Variants in ETV3 observed in about 807,000 individuals in gnomAD.
ETV3 encodes ETS variant transcription factor 3.
Under a neutral mutation model 33.0 loss-of-function variants are expected in ETV3, and 8 were observed. The ratio of observed to expected loss-of-function variants is 0.24; its 90% confidence interval spans 0.14 to 0.44. The LOEUF is 0.44. Ranked by LOEUF, ETV3 falls within the 20% of genes least tolerant of loss-of-function variation. The probability of loss-of-function intolerance (pLI) is 1.00; values close to 1 mark genes in which losing one functional copy is unlikely to be tolerated. For synonymous variants in ETV3, 222 were observed against 238.9 expected, an observed-to-expected ratio of 0.93 and a Z score of 0.65; for missense variants, 473 against 652.3, an observed-to-expected ratio of 0.73 and a Z score of 2.99.
Position 157,125,303 on chromosome 1 carries a change from A to T in ETV3, c.1077T>A (p.Val359=). The T allele has an allele frequency of 6.4e-7, 1 of 1,551,992 alleles. No individual in the cohort carries two copies. The change falls in exon 5 of 5, where the codon GTT becomes GTA. Residue 359 remains valine (V), a synonymous_variant. Transcript: ENST00000368192. The surrounding 1 kb of genome is among the most constrained non-coding windows in gnomAD (Gnocchi z 4.0). ...CTGGTGCTGACTCCTCGCTGCTCTC[A>T]ACCCTCTCCCGGTTCTTCCGCCCAA... ...PPVGRKNRER[V]ESSEESAPVT...
In ETV3 at chr1:157,124,577, C is replaced by G; in HGVS notation, c.*264G>C. On this transcript the variant is annotated 3_prime_UTR_variant, in exon 5 of 5. Transcript: ENST00000368192. ...AGTTTCCTTGTCAGAAAGTATAAGC[C>G]TCAACAGGAAATAGAGGCTCCTTCT... 2.9e-6 allele frequency: 1 copy of G among 341,236 alleles called. No individual in the cohort carries two copies. Among genetic ancestry groups the G allele is most frequent in the Admixed American group, 4.3e-5 (1 of 23,160 alleles). The allele number at this position is 341,236 out of a possible 1,614,324, so 21.1% of individuals were successfully genotyped here.
chr1:157,128,486 T>TCAGGC (rs953734076), intron 4 of ETV3: 3 of 302,346 alleles, frequency 9.9e-6, no homozygotes, highest in African/African-American at 2.2e-5. Flanking sequence ...GGAAGACAGG[T>TCAGGC]CAGGCCACTG....
chr1:157,137,513 C>G (rs1372626780), intron 1 of ETV3, among the ~76,000 whole-genome samples: 3 of 49,532 alleles, frequency 6.1e-5, no homozygotes, highest in Admixed American at 2.8e-4. Flanking sequence ...AGGAAAAACA[C>G]ACACACACAC....
chr1:157,136,885 A>C (rs1472210108), intron 1 of ETV3, among the ~76,000 whole-genome samples: 2 of 152,202 alleles, frequency 1.3e-5, no homozygotes, highest in Non-Finnish European at 2.9e-5. Context: ...ATTATGTGAG[A>C]TAGAAGGAAG....
chr1:157,134,022 C>T (rs1289583857), intron 4 of ETV3, 90 bp downstream of exon 4: 13 of 1,547,384 alleles, frequency 8.4e-6, no homozygotes, highest in Non-Finnish European at 6.1e-6. Context: ...TTTCTAAAAT[C>T]TTCCTAAACA....
rs913369851 is a variant in ETV3 at position 157,121,382 on chromosome 1, C to G, written c.*3459G>C. 6.6e-6 allele frequency: 1 copy of G among 151,792 alleles called. No homozygotes were observed. Among genetic ancestry groups the G allele is most frequent in the African/African-American group, 2.4e-5 (1 of 41,298 alleles). 9.4% of individuals were successfully genotyped at this position (151,792 alleles called of 1,614,324 possible). On this transcript the variant is annotated 3_prime_UTR_variant, in exon 5 of 5. Coordinates refer to ENST00000368192, the MANE Select transcript of ETV3 (RefSeq NM_001145312.3). ...GAAGACTTTATAGAAAGCGGAACAT[C>G]TAAAAGGCACTGCACAATGGAGTTA...
chr1:157,133,430 AC>A, intron 4 of ETV3: 2 of 985,568 alleles, frequency 2.0e-6, no homozygotes, highest in African/African-American at 3.5e-5. Context: ...AAAATCACAA[AC>A]AAAAAACCAC....
intron 4 of ETV3, among the ~76,000 whole-genome samples, chr1:157,126,253 T>C (rs1171611701): frequency 6.6e-6 from 1 of 152,206 alleles, no homozygotes; most frequent in Non-Finnish European, 1.5e-5. Context: ...AAATTCCACA[T>C]GGCAGGGACT....
chr1:157,132,305 T>A (rs1208607403), intron 4 of ETV3, among the ~76,000 whole-genome samples: 1 of 152,230 alleles, frequency 6.6e-6, no homozygotes, highest in African/African-American at 2.4e-5. Context: ...GTTGGTTCAA[T>A]CGCCTTCGGG....
Position 157,121,798 on chromosome 1 carries a change from T to C in ETV3, c.*3043A>G, listed in dbSNP as rs1198669073. ...TTTTTTTAATGCTTCTGAAAGTTTC[T>C]TGGCCCACAGAGGACTAGGGTGCAA... On this transcript the variant is annotated 3_prime_UTR_variant, in exon 5 of 5. Coordinates refer to ENST00000368192, the MANE Select transcript of ETV3 (RefSeq NM_001145312.3). The C allele has an allele frequency of 6.6e-6, 1 of 152,230 alleles. No homozygotes were observed. The highest frequency in any genetic ancestry group is 2.4e-5 in the African/African-American group (1 of 41,460). The allele number at this position is 152,230 out of a possible 1,614,324, so 9.4% of individuals were successfully genotyped here.
intron 3 of ETV3, among the ~76,000 whole-genome samples, 183 bp from the exon 4 acceptor site, chr1:157,134,410 A>G (rs780029345): frequency 1.3e-5 from 2 of 152,154 alleles, no homozygotes; most frequent in Non-Finnish European, 2.9e-5. Context: ...TTTCTTACTC[A>G]ATTTTCAACT....
At chr1:157,132,732 T>G (rs1674996819) in intron 4 of ETV3, among the ~76,000 whole-genome samples, 1 of 147,776 alleles carries the variant, frequency 6.8e-6, no homozygotes, top group African/African-American at 2.5e-5. Context: ...ATTAGAGAGA[T>G]GCATTCCAAT....
intron 4 of ETV3, among the ~76,000 whole-genome samples, chr1:157,129,464 A>C (rs1674920884): frequency 6.6e-6 from 1 of 152,248 alleles, no homozygotes; most frequent in Non-Finnish European, 1.5e-5. Flanking sequence ...GCCAATTTAA[A>C]AGGAATTAAG....
intron 4 of ETV3, among the ~76,000 whole-genome samples, chr1:157,130,864 T>C (rs538800690): frequency 6.6e-6 from 1 of 152,342 alleles, no homozygotes; most frequent in African/African-American, 2.4e-5. Flanking sequence ...ATGTATTAGA[T>C]AACAGAATTA....
chr1:157,137,493 G>A (rs564982381), intron 1 of ETV3, among the ~76,000 whole-genome samples: 30 of 120,922 alleles, frequency 2.5e-4, no homozygotes, highest in African/African-American at 1.1e-3. Context: ...CCCAAAGGAA[G>A]GAGCAGACAA....
intron 4 of ETV3, chr1:157,128,408 C>T (rs1054697585): frequency 1.8e-5 from 5 of 277,078 alleles, no homozygotes; most frequent in African/African-American, 8.9e-5. Context: ...CAGAAGTGTG[C>T]CCAGTGCCAC....
rs1341875785 is a variant in ETV3 at position 157,123,820 on chromosome 1, G to C, written c.*1021C>G. On this transcript the variant is annotated 3_prime_UTR_variant, in exon 5 of 5. Transcript: ENST00000368192. ...TAAAGTATGTTCATAGTTAAGGCTTGACTTAAGAAAATAAGAGAACCAGAC... is the reference window on the plus strand; with the variant it reads ...TAAAGTATGTTCATAGTTAAGGCTTCACTTAAGAAAATAAGAGAACCAGAC... 1 of 151,978 alleles carries C rather than the reference G, an allele frequency of 6.6e-6. No individual in the cohort carries two copies. The highest frequency in any genetic ancestry group is 1.9e-4 in the East Asian group (1 of 5,190). 9.4% of individuals were successfully genotyped at this position (151,978 alleles called of 1,614,324 possible). A position where few individuals can be genotyped will look rare whatever the true frequency, so the allele number is the denominator to read the frequency against.
At chr1:157,135,992 T>C (rs565909198) in intron 2 of ETV3, among the ~76,000 whole-genome samples, 1 of 152,212 alleles carries the variant, frequency 6.6e-6, no homozygotes, top group East Asian at 1.9e-4. Context: ...TGTGAGGACA[T>C]AAAAGTGCTA....
rs577970320 is a variant in ETV3, at chr1:157,135,026, C to T, written c.284+445G>A. The T allele has an allele frequency of 7.8e-4, 146 of 188,158 alleles. 1 individual carries two copies. The Middle Eastern group carries it at 0.012, about 15-fold the overall frequency. The allele number at this position is 188,158 out of a possible 1,614,324, so 11.7% of individuals were successfully genotyped here. On this transcript the variant is annotated intron_variant, in intron 3 of 4. Transcript: ENST00000368192. ...CAACCTGAGCTCACAGACACAGTTC[C>T]GGAATAGATAGGTCAGTATCACTGA...
Sources: gnomAD v4.1 joint callset for allele counts (sites outside exome capture counted in the v4.1 genomes callset) on GRCh38, gnomAD v4.1.1 for gene constraint, Gnocchi (gnomAD v3.1) non-coding constraint, MANE v1.5 for transcripts, NCBI Gene and HGNC (gene_info 2026-07-23, HGNC 2026-07-21) for gene names.